Variants in PTPN5 observed in about 807,000 individuals in gnomAD.
The protein encoded by PTPN5 is protein tyrosine phosphatase non-receptor type 5, also known as tyrosine-protein phosphatase non-receptor type 5.
A neutral mutation model predicts 73.9 loss-of-function variants in PTPN5; 29 were observed. The observed-to-expected ratio is 0.39, with a 90% confidence interval of 0.29 to 0.54. The LOEUF (loss-of-function observed/expected upper bound fraction) is 0.54. Ranked by LOEUF, PTPN5 falls within the 20% of genes least tolerant of loss-of-function variation. PTPN5 has a pLI of 0.65. For missense variants in PTPN5, 652 were observed against 751.4 expected (o/e 0.87, Z 1.55); for synonymous variants, 267 against 304.7 (o/e 0.88, Z 1.29).
intron 2 of PTPN5, among the ~76,000 whole-genome samples, chr11:18,767,045 A>G (rs148008504): frequency 6.6e-5 from 10 of 152,342 alleles, no homozygotes; most frequent in East Asian, 5.8e-4. Flanking sequence ...GATCCTTCCA[A>G]TAAATCCCCA....
chr11:18,785,994 G>A (rs1473480161), intron 1 of PTPN5, among the ~76,000 whole-genome samples: 1 of 152,208 alleles, frequency 6.6e-6, no homozygotes. Context: ...CCCAGGTATA[G>A]AAACTTGAGT....
chr11:18,744,130 A>ATC lies in PTPN5; in HGVS notation c.165_166dup (p.Met56ArgfsTer70). ...CGGCGAGGGAGGAGGGGGTGGCGGC[A>ATC]TCTCTCTCTGTGAGTCCTGGAGCCC... On this transcript the variant is annotated frameshift_variant, in exon 4 of 15. Coordinates refer to ENST00000358540, the MANE Select transcript of PTPN5 (RefSeq NM_006906.2). LOFTEE classifies it high-confidence loss of function. 1 of 1,609,508 alleles carries ATC rather than the reference A, an allele frequency of 6.2e-7. No homozygotes were observed. Among genetic ancestry groups the ATC allele is most frequent in the Non-Finnish European group, 8.5e-7 (1 of 1,178,086 alleles).
At chr11:18,738,580 T>C (rs897187210) in intron 8 of PTPN5, among the ~76,000 whole-genome samples, 2 of 152,208 alleles carry the variant, frequency 1.3e-5, no homozygotes, top group Non-Finnish European at 2.9e-5. Flanking sequence ...GTTAATCTGC[T>C]GTTCTCAGTC....
At chr11:18,760,326 G>A (rs759765551) in intron 3 of PTPN5, among the ~76,000 whole-genome samples, 7 of 152,210 alleles carry the variant, frequency 4.6e-5, no homozygotes, top group Non-Finnish European at 8.8e-5. Context: ...GGCGCTGCAG[G>A]ATTAGGGTGA....
chr11:18,740,560 A>G (rs1157227532), intron 8 of PTPN5, 43 bp downstream of exon 8: 1 of 1,383,470 alleles, frequency 7.2e-7, no homozygotes, highest in Admixed American at 2.8e-5. Flanking sequence ...GATGATTGAC[A>G]TGGGTCTGCA....
rs368295517 is a variant in PTPN5, at chr11:18,735,628, C to A, written c.1001-1993G>T. 5.3e-5 allele frequency among the ~76,000 whole-genome samples: 8 copies of A among 151,978 alleles called. No individual in the cohort carries two copies. The East Asian group carries it at 1.2e-3, about 22-fold the overall frequency. Reference sequence around the variant, plus strand: ...GTCAGGAGTTGGAGAGCAGCCTGGCCAACACAGTCAAACCCTGTTCCTACT... The same window carrying A: ...GTCAGGAGTTGGAGAGCAGCCTGGCAAACACAGTCAAACCCTGTTCCTACT... On this transcript the variant is annotated intron_variant, in intron 9 of 14. Coordinates refer to ENST00000358540, the MANE Select transcript of PTPN5 (RefSeq NM_006906.2).
In PTPN5 at chr11:18,740,774, G is replaced by A. The variant is rs571842419; in HGVS notation, c.744C>T (p.Ser248=). 9 of 1,563,454 alleles carry A rather than the reference G, an allele frequency of 5.8e-6. No homozygotes were observed. The South Asian group carries it at 7.2e-5, about 12-fold the overall frequency. The change falls in exon 8 of 15, where the codon TCC becomes TCT. Residue 248 remains serine, a synonymous_variant. Coordinates refer to ENST00000358540, the MANE Select transcript of PTPN5 (RefSeq NM_006906.2). ...GLQERRGSNV[S]LTLDMCTPGC... ...CCGGAGTGCACATGTCCAGGGTCAGGGAGACATTGGAACCCCTCCTGGAAG... is the reference window on the plus strand; with the variant it reads ...CCGGAGTGCACATGTCCAGGGTCAGAGAGACATTGGAACCCCTCCTGGAAG...
At chr11:18,783,957 T>C (rs1298666469) in intron 1 of PTPN5, among the ~76,000 whole-genome samples, 1 of 152,226 alleles carries the variant, frequency 6.6e-6, no homozygotes, top group Non-Finnish European at 1.5e-5. Context: ...CTGTTCCCTC[T>C]TCTCTCTTCT....
intron 1 of PTPN5, among the ~76,000 whole-genome samples, chr11:18,776,991 G>C (rs760223392): frequency 4.6e-5 from 7 of 152,090 alleles, no homozygotes; most frequent in Non-Finnish European, 1.0e-4. Flanking sequence ...GTGAAACCCT[G>C]TCTCTACTAA....
chr11:18,784,164 C>A (rs920748874), intron 1 of PTPN5, among the ~76,000 whole-genome samples: 1 of 152,112 alleles, frequency 6.6e-6, no homozygotes, highest in Non-Finnish European at 1.5e-5. Context: ...AATTCCACTG[C>A]GAGGTATATA....
Position 18,729,329 on chromosome 11 carries a change from A to C in PTPN5, c.1604+124T>G, listed in dbSNP as rs1413374203. 3.4e-5 allele frequency: 22 copies of C among 643,152 alleles called. No individual in the cohort carries two copies. In the East Asian group the frequency reaches 6.0e-4, roughly 18 times the overall value. 39.8% of individuals were successfully genotyped at this position (643,152 alleles called of 1,614,324 possible). A position where few individuals can be genotyped will look rare whatever the true frequency, so the allele number is the denominator to read the frequency against. Reference sequence around the variant, plus strand: ...TGTCCTCGCTACTCCTTGTCTGCCCATCAGTCCGTGCCAGTGTTTTCCATC... The same window carrying C: ...TGTCCTCGCTACTCCTTGTCTGCCCCTCAGTCCGTGCCAGTGTTTTCCATC... On this transcript the variant is annotated intron_variant, in intron 14 of 14. Transcript: ENST00000358540. This position sits in a 1 kb window ranked among gnomAD's most constrained non-coding sequence, Gnocchi z 5.2.
intron 2 of PTPN5, among the ~76,000 whole-genome samples, chr11:18,771,309 T>G (rs1022414764): frequency 2.0e-5 from 3 of 152,216 alleles, no homozygotes; most frequent in Non-Finnish European, 4.4e-5. Context: ...TTGTTTGTGC[T>G]GTTCCCTCAG....
Position 18,733,312 on chromosome 11 carries a change from C to A in PTPN5, c.1141G>T (p.Ala381Ser). The A allele has an allele frequency of 6.2e-6, 10 of 1,614,134 alleles. No individual in the cohort carries two copies. Among genetic ancestry groups the A allele is most frequent in the Non-Finnish European group, 7.6e-6 (9 of 1,180,008 alleles). ...TGCCACACCATGCGCCAGAAGTCGG[C>A]GACCGTGCTGACGATGGGTCCCTGA... ...ATQGPIVSTV[A>S]DFWRMVWQEH... is the part of the protein sequence containing the mutation. The change falls in exon 11 of 15, where the codon GCC becomes TCC. Residue 381 changes from alanine to serine, a missense_variant. By Grantham distance (99) the Ala-to-Ser change is moderately conservative (BLOSUM62 1). Around this residue, in one of 3 missense-constraint regions of PTPN5, gnomAD observed 529 missense variants for 573.9 expected, o/e 0.92. Transcript: ENST00000358540. This position sits in a 1 kb window ranked among gnomAD's most constrained non-coding sequence, Gnocchi z 4.3.
Position 18,791,672 on chromosome 11 carries a change from G to C in PTPN5, c.-261C>G, listed in dbSNP as rs1851937305. ...GGGCCGCGCCGAGCTCTGTGCGTCT[G>C]CGTGTGCGGGGGCGTCCGTCCTTCG... On this transcript the variant is annotated 5_prime_UTR_variant, in exon 1 of 15. Coordinates refer to ENST00000358540, the MANE Select transcript of PTPN5 (RefSeq NM_006906.2). 1 of 152,268 alleles carries C rather than the reference G, an allele frequency of 6.6e-6. No individual in the cohort carries two copies. Among genetic ancestry groups the C allele is most frequent in the Non-Finnish European group, 1.5e-5 (1 of 68,188 alleles). 9.4% of individuals were successfully genotyped at this position (152,268 alleles called of 1,614,324 possible). A position where few individuals can be genotyped will look rare whatever the true frequency, so the allele number is the denominator to read the frequency against.
chr11:18,729,061 C>G lies in PTPN5; in HGVS notation c.1605-34G>C, dbSNP rs746025763. On this transcript the variant is annotated intron_variant, in intron 14 of 14. Transcript: ENST00000358540. This position sits in a 1 kb window ranked among gnomAD's most constrained non-coding sequence, Gnocchi z 5.2. ...CAGAGATGCACAGTGGGGGCAGGGT[C>G]GTGGAGGGATGGGCTGTGGGAGGTG... 2 of 1,606,060 alleles carry G rather than the reference C, an allele frequency of 1.2e-6. No individual in the cohort carries two copies. The highest frequency in any genetic ancestry group is 3.4e-5 in the Admixed American group (2 of 58,642).
Position 18,762,603 on chromosome 11 carries a change from A to T in PTPN5, c.97+3204T>A, listed in dbSNP as rs1292403918. ...TCTTCATGGCTTTAATTGTCTTCAT[A>T]GCACTTACTACTATTAACCATACTA... is the stretch of plus-strand genomic sequence containing the variant. On this transcript the variant is annotated intron_variant, in intron 3 of 14. Coordinates refer to ENST00000358540, the MANE Select transcript of PTPN5 (RefSeq NM_006906.2). Among the ~76,000 whole-genome samples the T allele has an allele frequency of 1.3e-5, 2 of 152,168 alleles. 1 individual carries two copies. The highest frequency in any genetic ancestry group is 3.9e-4 in the East Asian group (2 of 5,194).
intron 2 of PTPN5, among the ~76,000 whole-genome samples, chr11:18,767,288 A>C (rs114693550): frequency 6.6e-6 from 1 of 152,028 alleles, no homozygotes; most frequent in African/African-American, 2.4e-5. Flanking sequence ...TCTCCCTCTG[A>C]TATCTTCTTT....
chr11:18,757,139 C>A (rs34231294), intron 3 of PTPN5, among the ~76,000 whole-genome samples: 1 of 152,042 alleles, frequency 6.6e-6, no homozygotes, highest in African/African-American at 2.4e-5. Context: ...CAATAAGAAA[C>A]CATAAAAAAA....
chr11:18,738,823 T>C (rs562262175), intron 8 of PTPN5, among the ~76,000 whole-genome samples: 1 of 151,914 alleles, frequency 6.6e-6, no homozygotes, highest in South Asian at 2.1e-4. Flanking sequence ...AATACAAAAA[T>C]TAGCTGGACC....
Sources: gnomAD v4.1 joint callset for allele counts (sites outside exome capture counted in the v4.1 genomes callset) on GRCh38, gnomAD v4.1.1 for gene constraint, gnomAD v4.1.1 regional missense constraint, Gnocchi (gnomAD v3.1) non-coding constraint, MANE v1.5 for transcripts, NCBI Gene and HGNC (gene_info 2026-07-23, HGNC 2026-07-21) for gene names.